Variants in PHKA1 observed in about 807,000 individuals in gnomAD.
PHKA1 encodes phosphorylase b kinase regulatory subunit alpha, skeletal muscle isoform.
A neutral mutation model predicts 110.2 loss-of-function variants in PHKA1; 60 were observed. The ratio of observed to expected loss-of-function variants is 0.54; its 90% CI spans 0.44 to 0.68. The LOEUF is 0.68. PHKA1 is among the 30% of genes least tolerant of loss of function. PHKA1 has a pLI of 0.00. For synonymous variants in PHKA1, 316 were observed against 333.6 expected (o/e 0.95, Z 0.58); for missense variants, 801 against 942.5 (o/e 0.85, Z 1.97).
Position 72,644,446 on chromosome X carries a change from C to T in PHKA1, c.1375G>A (p.Gly459Arg). The change falls in exon 14 of 32, where the codon GGA becomes AGA. Residue 459 changes from glycine to arginine, a missense_variant. Gly to Arg is a moderately radical substitution (Grantham distance 125). Coordinates refer to ENST00000373542, the MANE Select transcript of PHKA1 (RefSeq NM_002637.4). Reference sequence around the variant, plus strand: ...TCAGCAATGGTCTCCACGTAAATTCCCTTGTCCTTCAAAATGGTCTTGATT... The same window carrying T: ...TCAGCAATGGTCTCCACGTAAATTCTCTTGTCCTTCAAAATGGTCTTGATT... ...EEIKTILKDKGIYVETIAEVY... is the reference protein window; with the variant it reads ...EEIKTILKDKRIYVETIAEVY... 8.3e-7 allele frequency: 1 copy of T among 1,208,323 alleles called. No individual in the cohort carries two copies.
intron 4 of PHKA1, among the ~76,000 whole-genome samples, chrX:72,685,848 T>G (rs2053960938): frequency 8.9e-6 from 1 of 111,900 alleles, no homozygotes; most frequent in Non-Finnish European, 1.9e-5. Flanking sequence ...ATTTACTTGG[T>G]GGAGGCTATT....
intron 13 of PHKA1, among the ~76,000 whole-genome samples, chrX:72,647,002 C>T (rs952859843): frequency 5.5e-5 from 6 of 109,807 alleles, no homozygotes; most frequent in Admixed American, 9.7e-5. Flanking sequence ...TGTGGAGGTG[C>T]GTGCCTGTAA....
intron 21 of PHKA1, among the ~76,000 whole-genome samples, chrX:72,611,544 C>T (rs1277518280): frequency 8.9e-6 from 1 of 111,818 alleles, no homozygotes; most frequent in Non-Finnish European, 1.9e-5. Context: ...GTTTGCAATT[C>T]ATAGGATAAT....
chrX:72,674,027 A>G (rs1556310485), intron 6 of PHKA1, among the ~76,000 whole-genome samples: 1 of 94,061 alleles, frequency 1.1e-5, no homozygotes, highest in East Asian at 3.5e-4. Flanking sequence ...TCATTGTTCA[A>G]TTCCCACCTA....
intron 14 of PHKA1, among the ~76,000 whole-genome samples, chrX:72,640,338 A>G (rs2053281793): frequency 8.9e-6 from 1 of 111,737 alleles, no homozygotes; most frequent in Admixed American, 9.5e-5. Context: ...ACAAGTATCC[A>G]GTAGAAAAAT....
intron 2 of PHKA1, among the ~76,000 whole-genome samples, chrX:72,706,530 G>T (rs1556332522): frequency 9.0e-6 from 1 of 111,292 alleles, no homozygotes; most frequent in African/African-American, 3.3e-5. Context: ...ATACTCAAAG[G>T]TTTCTACCAT....
rs199800573 is a variant in PHKA1 at position 72,581,241 on chromosome X, GT to G, written c.3499-67del. On this transcript the variant is annotated intron_variant, in intron 31 of 31. Coordinates refer to ENST00000373542, the MANE Select transcript of PHKA1 (RefSeq NM_002637.4). Reference sequence around the variant, plus strand: ...AAAATTACCAATCTTACTAAGTAAAGTCCTGATTAGCATAATTCAGAACCTC... The same window carrying G: ...AAAATTACCAATCTTACTAAGTAAAGCCTGATTAGCATAATTCAGAACCTC... The G allele has an allele frequency of 3.6e-3, 2,470 of 695,085 alleles. 41 individuals carry two copies. In the African/African-American group the frequency reaches 0.046, roughly 13 times the overall value. 57.3% of individuals were successfully genotyped at this position (695,085 alleles called of 1,213,427 possible).
In PHKA1 at chrX:72,627,024, T is replaced by C. The variant is rs143064948; in HGVS notation, c.1740A>G (p.Ser580=). 6.1e-5 allele frequency: 74 copies of C among 1,207,462 alleles called. No homozygotes were observed. In the African/African-American group the frequency reaches 1.2e-3, roughly 19 times the overall value. The change falls in exon 17 of 32, where the codon TCA becomes TCG. Residue 580 remains serine (S), a synonymous_variant. Coordinates refer to ENST00000373542, the MANE Select transcript of PHKA1 (RefSeq NM_002637.4). ...MLDEDGTSLN[S]SILAALRKMQ... The stretch of plus-strand genomic sequence containing the variant: ...TTTTTCGGAGTGCTGCCAGGATACT[T>C]GAATTCAAGCTTGTTCCATCTTCAT...
At chrX:72,645,007 C>T (rs12387843) in intron 13 of PHKA1, among the ~76,000 whole-genome samples, 40,874 of 110,363 alleles carry the variant, frequency 0.37, 8,982 homozygotes, top group African/African-American at 0.81. Context: ...ATAGTTGAAA[C>T]TGTGTGTTTT....
chrX:72,605,624 G>A lies in PHKA1; in HGVS notation c.2607-5C>T, dbSNP rs375770238. ...AGCGCCTCATAGGGCAGAGGTCTAA[G>A]GAAAAAGACAGCAAAGAAAGACAAT... On this transcript the variant is annotated splice_region_variant and splice_polypyrimidine_tract_variant and intron_variant, in intron 23 of 31. Coordinates refer to ENST00000373542, the MANE Select transcript of PHKA1 (RefSeq NM_002637.4). 7 of 1,173,839 alleles carry A rather than the reference G, an allele frequency of 6.0e-6. No individual in the cohort carries two copies. Among genetic ancestry groups the A allele is most frequent in the Non-Finnish European group, 8.1e-6 (7 of 862,449 alleles).
intron 30 of PHKA1, 77 bp downstream of exon 30, chrX:72,584,172 G>T: frequency 1.2e-6 from 1 of 821,623 alleles, no homozygotes; most frequent in Non-Finnish European, 1.8e-6. Flanking sequence ...CTGTCACTTT[G>T]AAAAGTAAGT....
At chrX:72,702,652 C>T (rs1339012991) in intron 3 of PHKA1, among the ~76,000 whole-genome samples, 2 of 111,330 alleles carry the variant, frequency 1.8e-5, no homozygotes, top group Non-Finnish European at 3.8e-5. Context: ...CTTTTGGGAC[C>T]TACCCATCTA....
intron 21 of PHKA1, among the ~76,000 whole-genome samples, chrX:72,616,924 G>C (rs1409830900): frequency 8.9e-6 from 1 of 111,846 alleles, no homozygotes; most frequent in Non-Finnish European, 1.9e-5. Context: ...AACAAATTAA[G>C]AAGGAAATTA....
At chrX:72,681,299 G>A (rs1299096801) in intron 5 of PHKA1, among the ~76,000 whole-genome samples, 2 of 105,474 alleles carry the variant, frequency 1.9e-5, no homozygotes, top group East Asian at 3.1e-4. Context: ...CAACCACCCC[G>A]TCTGAGAAGT....
Position 72,605,591 on chromosome X carries a change from G to A in PHKA1, c.2635C>T (p.Leu879=). The change falls in exon 24 of 32, where the codon CTG becomes TTG. Residue 879 remains leucine (L), a synonymous_variant. Transcript: ENST00000373542. ...TCCCCTTCACTGGCTTCATCTATCAGCTGAGTGAGCGCCTCATAGGGCAGA... is the reference window on the plus strand; with the variant it reads ...TCCCCTTCACTGGCTTCATCTATCAACTGAGTGAGCGCCTCATAGGGCAGA... ...APLPYEALTQ[L]IDEASEGDMS... 8.3e-7 allele frequency: 1 copy of A among 1,206,917 alleles called. No individual in the cohort carries two copies. The highest frequency in any genetic ancestry group is 1.8e-5 in the South Asian group (1 of 56,840).
At chrX:72,675,179 CT>C (rs1307858009) in intron 6 of PHKA1, among the ~76,000 whole-genome samples, 1 of 107,004 alleles carries the variant, frequency 9.3e-6, no homozygotes, top group Non-Finnish European at 1.9e-5. Flanking sequence ...CAGGGTGAGA[CT>C]CCGTCTCAAA....
Position 72,704,367 on chromosome X carries a change from C to T in PHKA1, c.285+831G>A, listed in dbSNP as rs188945929. 3.1e-3 allele frequency among the ~76,000 whole-genome samples: 350 copies of T among 111,426 alleles called. 1 individual carries two copies. The highest frequency in any genetic ancestry group is 0.011 in the African/African-American group (340 of 30,665). On this transcript the variant is annotated intron_variant, in intron 3 of 31. Transcript: ENST00000373542. ...CTACTTAGTATGAAATTGCATGTTT[C>T]CCTACAGAGATATTAATGTTTCTGA... is the stretch of plus-strand genomic sequence containing the variant.
At position 72,602,241 on chromosome X, in the gene PHKA1, T is replaced by C; in HGVS notation, c.2950A>G (p.Ile984Val). Residue 984 changes from isoleucine (I) to valine (V), a missense_variant, in exon 27 of 32, where the codon ATT becomes GTT. By Grantham distance (29) the Ile-to-Val change is conservative. Transcript: ENST00000373542. The part of the protein sequence containing the change: ...RPTDSNVSPA[I>V]SIHEIGAVGA... ...ACAGCACCAATCTCGTGGATAGAAA[T>C]AGCAGGACTGACATTTGAATCAGTG... is the stretch of plus-strand genomic sequence containing the variant. The C allele has an allele frequency of 8.4e-7, 1 of 1,194,763 alleles. No homozygotes were observed. The highest frequency in any genetic ancestry group is 1.1e-6 in the Non-Finnish European group (1 of 880,362).
intron 14 of PHKA1, among the ~76,000 whole-genome samples, chrX:72,640,670 G>C (rs1339079773): frequency 2.7e-5 from 3 of 111,804 alleles, no homozygotes; most frequent in Non-Finnish European, 5.6e-5. Context: ...CTTTGTGCTT[G>C]TCTGTTTTCC....
Sources: allele counts gnomAD v4.1 joint callset (sites outside exome capture counted in the v4.1 genomes callset), GRCh38; gene constraint gnomAD v4.1.1; transcripts MANE v1.5; gene names NCBI Gene and HGNC (gene_info 2026-07-23, HGNC 2026-07-21).